The following POLR3F variants were observed in gnomAD, a reference collection of about 807,000 sequenced individuals.
POLR3F encodes the protein RNA polymerase III subunit F, also known as DNA-directed RNA polymerase III subunit RPC6.
POLR3F carries 31 observed loss-of-function variants against 43.6 expected under a neutral mutation model. The ratio of observed to expected loss-of-function variants is 0.71; its 90% CI spans 0.53 to 0.96. The LOEUF is 0.96. Ranked by LOEUF, POLR3F falls within the 40% of genes least tolerant of loss-of-function variation. The pLI is 0.00. For synonymous variants in POLR3F, 114 were observed against 132.5 expected (o/e 0.86, Z 0.96); for missense variants, 316 against 391.7 (o/e 0.81, Z 1.63).
rs1461471206 is a variant in POLR3F, at chr20:18,481,605, T to G, written c.682-14T>G. Reference sequence around the variant, plus strand: ...TATCCTACTTGTGTCCTTTCTGATGTATCCCTTTTTTAGGTAGAGTTATCC... The same window carrying G: ...TATCCTACTTGTGTCCTTTCTGATGGATCCCTTTTTTAGGTAGAGTTATCC... On this transcript the variant is annotated splice_polypyrimidine_tract_variant and intron_variant, in intron 7 of 8. Coordinates refer to ENST00000377603, the MANE Select transcript of POLR3F (RefSeq NM_006466.4). 6.4e-7 allele frequency: 1 copy of G among 1,556,862 alleles called. No individual in the cohort carries two copies. Among genetic ancestry groups the G allele is most frequent in the Non-Finnish European group, 8.9e-7 (1 of 1,127,958 alleles).
intron 3 of POLR3F, 113 bp downstream of exon 3, chr20:18,473,022 T>C: frequency 2.0e-6 from 1 of 492,878 alleles, no homozygotes; most frequent in South Asian, 4.1e-5. Flanking sequence ...CATCCCTGCC[T>C]CCTATGATAT....
chr20:18,472,783 T>C (rs2059760262), intron 2 of POLR3F, 59 bp from the exon 3 acceptor site: 4 of 762,684 alleles, frequency 5.2e-6, no homozygotes, highest in Non-Finnish European at 8.9e-6. Context: ...ACATTTGTCA[T>C]TTGATTTAAC....
intron 5 of POLR3F, among the ~76,000 whole-genome samples, chr20:18,478,730 G>A (rs971763385): frequency 8.5e-5 from 13 of 152,092 alleles, no homozygotes; most frequent in Admixed American, 5.9e-4. Flanking sequence ...GTTAATATGC[G>A]CACATAAATC....
At chr20:18,475,323 C>T in intron 5 of POLR3F, 136 bp downstream of exon 5, 1 of 510,666 alleles carries the variant, frequency 2.0e-6, no homozygotes, top group Non-Finnish European at 3.5e-6. Context: ...TTTGGAGATG[C>T]TGCTTAGACT....
intron 2 of POLR3F, among the ~76,000 whole-genome samples, chr20:18,472,203 T>C (rs948671716): frequency 3.9e-5 from 6 of 152,088 alleles, no homozygotes; most frequent in African/African-American, 1.5e-4. Context: ...AATGTCACTG[T>C]TAACTTTTTT....
At chr20:18,473,935 C>G (rs1025864574) in intron 4 of POLR3F, among the ~76,000 whole-genome samples, 5 of 152,032 alleles carry the variant, frequency 3.3e-5, no homozygotes, top group African/African-American at 1.2e-4. Flanking sequence ...AGTTTCTCTT[C>G]TACCCGCTTG....
Position 18,467,620 on chromosome 20 carries a change from G to A in POLR3F, c.62+52G>A, listed in dbSNP as rs1228913637. 2.5e-6 allele frequency: 4 copies of A among 1,613,376 alleles called. No homozygotes were observed. The Admixed American group carries it at 5.0e-5, about 20-fold the overall frequency. ...ACTCCATCAGGCGCCCAGTCATTTG[G>A]GCAGCTGGACCCCTTCTCCGGGATC... On this transcript the variant is annotated intron_variant, in intron 1 of 8. Transcript: ENST00000377603.
In POLR3F at chr20:18,483,809, T is replaced by G; in HGVS notation, c.*251T>G. The G allele has an allele frequency of 2.5e-6, 1 of 401,410 alleles. No individual in the cohort carries two copies. The highest frequency in any genetic ancestry group is 1.1e-4 in the South Asian group (1 of 9,184). 24.9% of individuals were successfully genotyped at this position (401,410 alleles called of 1,614,324 possible). A position where few individuals can be genotyped will look rare whatever the true frequency, so the allele number is the denominator to read the frequency against. ...TTCAATAAATAAAACACTTTGAAAC[T>G]CCGGAGGACCACATCTTTCAAGACT... On this transcript the variant is annotated 3_prime_UTR_variant, in exon 9 of 9. Coordinates refer to ENST00000377603, the MANE Select transcript of POLR3F (RefSeq NM_006466.4).
chr20:18,471,927 AG>A (rs1424618742), intron 2 of POLR3F, among the ~76,000 whole-genome samples: 1 of 152,214 alleles, frequency 6.6e-6, no homozygotes, highest in African/African-American at 2.4e-5. Flanking sequence ...GGTTGCAGTG[AG>A]CCGAGATTGT....
chr20:18,468,829 T>C (rs556138901), intron 1 of POLR3F, 115 bp from the exon 2 acceptor site: 5 of 653,590 alleles, frequency 7.7e-6, no homozygotes, highest in East Asian at 5.1e-5. Context: ...GAAACCCAGA[T>C]TGTCTGCCAA....
chr20:18,480,183 T>G lies in POLR3F; in HGVS notation c.573+2T>G, dbSNP rs1255573915. On this transcript the variant is annotated splice_donor_variant, in intron 6 of 8. Transcript: ENST00000377603. LOFTEE classifies it high-confidence loss of function. ...TGTTTTAAATTCCTACAGTCCAAGGTGAGGTATGATTGAGGAAACATCACT... is the reference window on the plus strand; with the variant it reads ...TGTTTTAAATTCCTACAGTCCAAGGGGAGGTATGATTGAGGAAACATCACT... The G allele has an allele frequency of 6.2e-7, 1 of 1,608,714 alleles. No homozygotes were observed. Among genetic ancestry groups the G allele is most frequent in the Non-Finnish European group, 8.5e-7 (1 of 1,176,768 alleles).
chr20:18,483,123 G>T (rs1568582925), intron 8 of POLR3F, among the ~76,000 whole-genome samples: 1 of 151,416 alleles, frequency 6.6e-6, no homozygotes, highest in Non-Finnish European at 1.5e-5. Flanking sequence ...GGAGTGCAGT[G>T]GCACGATCTT....
chr20:18,479,976 G>T, intron 5 of POLR3F, 62 bp from the exon 6 acceptor site: 1 of 1,208,644 alleles, frequency 8.3e-7, no homozygotes, highest in South Asian at 1.4e-5. Context: ...CAAAATATAG[G>T]TGTTTTTGTT....
intron 1 of POLR3F, among the ~76,000 whole-genome samples, chr20:18,468,432 ACT>A: frequency 6.6e-6 from 1 of 152,318 alleles, no homozygotes; most frequent in East Asian, 1.9e-4. Context: ...GTTTTAAAAG[ACT>A]CAACTTTCTC....
chr20:18,481,847 C>T (rs745522751), intron 8 of POLR3F, 37 bp downstream of exon 8: 21 of 1,381,808 alleles, frequency 1.5e-5, no homozygotes, highest in African/African-American at 2.8e-5. Flanking sequence ...CTTGACTGCC[C>T]ACGGGTGCAA....
At chr20:18,479,685 C>T (rs577466462) in intron 5 of POLR3F, among the ~76,000 whole-genome samples, 9 of 152,042 alleles carry the variant, frequency 5.9e-5, no homozygotes, top group Non-Finnish European at 5.9e-5. Context: ...GATAGAAATA[C>T]GGTGTTTGAG....
chr20:18,480,428 G>T lies in POLR3F; in HGVS notation c.600G>T (p.Gln200His). 6.2e-7 allele frequency: 1 copy of T among 1,611,364 alleles called. No homozygotes were observed. Among genetic ancestry groups the T allele is most frequent in the East Asian group, 2.2e-5 (1 of 44,834 alleles). The part of the protein sequence containing the change: ...SKAETARESK[Q>H]NPMIQRNSSF... ...CAGAAACAGCACGAGAAAGCAAACAGAACCCAATGATACAAAGAAATAGTT... is the reference window on the plus strand; with the variant it reads ...CAGAAACAGCACGAGAAAGCAAACATAACCCAATGATACAAAGAAATAGTT... Residue 200 changes from glutamine to histidine, a missense_variant, in exon 7 of 9, where the codon CAG (glutamine) becomes CAT (histidine). Around this residue, in one of 3 missense-constraint regions of POLR3F, gnomAD observed 109 missense variants for 177.7 expected, o/e 0.61. Transcript: ENST00000377603.
chr20:18,472,823 C>G lies in POLR3F; in HGVS notation c.181-19C>G. On this transcript the variant is annotated intron_variant, in intron 2 of 8. Coordinates refer to ENST00000377603, the MANE Select transcript of POLR3F (RefSeq NM_006466.4). ...CTCCAAAATAACTGACTCCTGTTTT[C>G]TACTGTCTTAAAAACTAGGGTCAGT... is the stretch of plus-strand genomic sequence containing the variant. The G allele has an allele frequency of 8.5e-7, 1 of 1,173,196 alleles. No individual in the cohort carries two copies. The highest frequency in any genetic ancestry group is 2.6e-5 in the East Asian group (1 of 38,690). The allele number at this position is 1,173,196 out of a possible 1,614,324, so 72.7% of individuals were successfully genotyped here.
chr20:18,483,697 A>T lies in POLR3F; in HGVS notation c.*139A>T. On this transcript the variant is annotated 3_prime_UTR_variant, in exon 9 of 9. Transcript: ENST00000377603. ...CGTAGACTTGCTGCTATGAAAACATATTTTTTTTATTTATGAAGACTAAAT... is the reference window on the plus strand; with the variant it reads ...CGTAGACTTGCTGCTATGAAAACATTTTTTTTTTATTTATGAAGACTAAAT... The T allele has an allele frequency of 2.3e-6, 1 of 430,770 alleles. No homozygotes were observed. Among genetic ancestry groups the T allele is most frequent in the East Asian group, 3.6e-5 (1 of 28,074 alleles). The allele number at this position is 430,770 out of a possible 1,614,324, so 26.7% of individuals were successfully genotyped here. A position where few individuals can be genotyped will look rare whatever the true frequency, so the allele number is the denominator to read the frequency against.
Sources: allele counts gnomAD v4.1 joint callset (sites outside exome capture counted in the v4.1 genomes callset), GRCh38; gene constraint gnomAD v4.1.1; regional missense constraint gnomAD v4.1.1; transcripts MANE v1.5; gene names NCBI Gene and HGNC (gene_info 2026-07-23, HGNC 2026-07-21).